The following MTHFD2L variants were observed in gnomAD, a reference collection of about 807,000 sequenced individuals.
MTHFD2L encodes the protein bifunctional methylenetetrahydrofolate dehydrogenase/cyclohydrolase 2, mitochondrial.
A neutral mutation model predicts 34.9 loss-of-function variants in MTHFD2L; 29 were observed. The ratio of observed to expected loss-of-function variants is 0.83; its 90% CI spans 0.62 to 1.13. The LOEUF is 1.13. MTHFD2L is among the 50% of genes most tolerant of loss of function. MTHFD2L has a pLI of 0.00. For synonymous variants in MTHFD2L, 167 were observed against 155.7 expected (o/e 1.07, Z -0.54); for missense variants, 481 against 446.5 (o/e 1.08, Z -0.70).
upstream of MTHFD2L, chr4:74,157,160 T>C (rs1002696292): frequency 6.5e-6 from 1 of 153,912 alleles, no homozygotes; most frequent in Admixed American, 6.5e-5. Flanking sequence ...TTGTGTCAAA[T>C]GGATTTAGAT....
intron 6 of MTHFD2L, among the ~76,000 whole-genome samples, chr4:74,254,383 C>G (rs1248106468): frequency 6.6e-6 from 1 of 152,028 alleles, no homozygotes; most frequent in African/African-American, 2.4e-5. Context: ...ATCTTGAAAG[C>G]CACAAAAGTG....
chr4:74,231,930 G>A (rs1461889020), intron 6 of MTHFD2L, among the ~76,000 whole-genome samples: 2 of 152,060 alleles, frequency 1.3e-5, no homozygotes. Flanking sequence ...AAAACCTTTT[G>A]CATAGTGTAA....
At chr4:74,182,461 A>G (rs946900013) in intron 3 of MTHFD2L, among the ~76,000 whole-genome samples, 1 of 152,164 alleles carries the variant, frequency 6.6e-6, no homozygotes, top group African/African-American at 2.4e-5. Flanking sequence ...AGGAATGCAT[A>G]TTTTATAACT....
At chr4:74,260,661 A>G (rs1171576721) in intron 6 of MTHFD2L, among the ~76,000 whole-genome samples, 1 of 152,086 alleles carries the variant, frequency 6.6e-6, no homozygotes, top group African/African-American at 2.4e-5. Context: ...AGAAGTGAAG[A>G]AGGAGGAGGA....
chr4:74,126,744 C>A (rs1256997800), intron 1 of MTHFD2L, among the ~76,000 whole-genome samples: 1 of 151,968 alleles, frequency 6.6e-6, no homozygotes, highest in Non-Finnish European at 1.5e-5. Context: ...TTGTCATGTA[C>A]TTGTATGATT....
upstream of MTHFD2L, among the ~76,000 whole-genome samples, chr4:74,118,954 G>A (rs1721702629): frequency 6.6e-6 from 1 of 152,174 alleles, no homozygotes; most frequent in Non-Finnish European, 1.5e-5. Flanking sequence ...ATGATCTGAG[G>A]TGGAGCTGAG....
intron 1 of MTHFD2L, chr4:74,164,987 T>A: frequency 2.0e-6 from 2 of 985,410 alleles, no homozygotes; most frequent in Non-Finnish European, 2.4e-6. Context: ...GTAAACAATA[T>A]CTAAGGGGTC....
At chr4:74,164,918 G>A (rs1045763551) in intron 1 of MTHFD2L, 13 of 956,324 alleles carry the variant, frequency 1.4e-5, no homozygotes, top group African/African-American at 1.8e-5. Context: ...GCCTTTAGGG[G>A]AAGGTCATTT....
intron 3 of MTHFD2L, among the ~76,000 whole-genome samples, chr4:74,181,500 G>T (rs1730163716): frequency 6.6e-6 from 1 of 152,152 alleles, no homozygotes; most frequent in Non-Finnish European, 1.5e-5. Flanking sequence ...CCAGAGCGTT[G>T]TCAAGAGAAC....
At chr4:74,156,310 T>C (rs1052792824), upstream of MTHFD2L, among the ~76,000 whole-genome samples, 1 of 152,200 alleles carries the variant, frequency 6.6e-6, no homozygotes, top group African/African-American at 2.4e-5. Flanking sequence ...TTTTATAGAA[T>C]GCCATATAAT....
chr4:74,271,412 A>G (rs1745965270), intron 6 of MTHFD2L, among the ~76,000 whole-genome samples: 1 of 152,208 alleles, frequency 6.6e-6, no homozygotes, highest in South Asian at 2.1e-4. Flanking sequence ...TCCCAGCACC[A>G]TTTATTAAAT....
chr4:74,125,575 A>T (rs969195179), intron 1 of MTHFD2L: 13 of 152,150 alleles, frequency 8.5e-5, no homozygotes, highest in African/African-American at 3.1e-4. Context: ...CATGAAACTA[A>T]TAGGAAAGAT....
At chr4:74,213,011 G>A (rs1736601250) in intron 5 of MTHFD2L, among the ~76,000 whole-genome samples, 1 of 151,716 alleles carries the variant, frequency 6.6e-6, no homozygotes, top group Non-Finnish European at 1.5e-5. Context: ...GACTAGGATT[G>A]CAACCCCTGC....
At chr4:74,202,149 A>G (rs1056638319) in intron 5 of MTHFD2L, among the ~76,000 whole-genome samples, 1 of 152,234 alleles carries the variant, frequency 6.6e-6, no homozygotes, top group African/African-American at 2.4e-5. Context: ...ATCAGTCAGC[A>G]AGACTTATGT....
In MTHFD2L at chr4:74,189,110, T is replaced by G. The variant is rs562556680; in HGVS notation, c.452-10684T>G. Among the ~76,000 whole-genome samples, 9 of 152,188 alleles carry G rather than the reference T, an allele frequency of 5.9e-5. No homozygotes were observed. The East Asian group carries it at 1.4e-3, about 23-fold the overall frequency. ...ATAGATCAAGGCGATAACTTTTGTT[T>G]GGGGTAGTAGATTTGCATATGCCTA... On this transcript the variant is annotated intron_variant, in intron 3 of 7. Transcript: ENST00000325278.
At chr4:74,236,149 C>G (rs1740805771) in intron 6 of MTHFD2L, among the ~76,000 whole-genome samples, 1 of 152,108 alleles carries the variant, frequency 6.6e-6, no homozygotes, top group Non-Finnish European at 1.5e-5. Context: ...TATTATCTGA[C>G]TTGTCCAGGT....
chr4:74,206,478 C>G (rs185841437), intron 5 of MTHFD2L, among the ~76,000 whole-genome samples: 3 of 151,816 alleles, frequency 2.0e-5, no homozygotes, highest in Non-Finnish European at 4.4e-5. Context: ...TACTAGCATA[C>G]GGTTAGATAG....
chr4:74,283,363 G>A (rs1747739891), intron 7 of MTHFD2L, among the ~76,000 whole-genome samples: 1 of 152,086 alleles, frequency 6.6e-6, no homozygotes, highest in Non-Finnish European at 1.5e-5. Context: ...ATGCTTAGTA[G>A]CACATATACT....
chr4:74,206,193 G>A (rs1008183242), intron 5 of MTHFD2L, among the ~76,000 whole-genome samples: 4 of 152,076 alleles, frequency 2.6e-5, no homozygotes, highest in Non-Finnish European at 5.9e-5. Flanking sequence ...TTTGATTTGG[G>A]GCAGGGTGGT....
Sources: gnomAD v4.1 joint callset for allele counts (sites outside exome capture counted in the v4.1 genomes callset) on GRCh38, gnomAD v4.1.1 for gene constraint, MANE v1.5 for transcripts, NCBI Gene and HGNC (gene_info 2026-07-23, HGNC 2026-07-21) for gene names.